The following GPRC5B variants were observed in gnomAD, a reference collection of about 807,000 sequenced individuals.
GPRC5B encodes the protein G protein-coupled receptor class C group 5 member B.
GPRC5B carries 16 observed loss-of-function variants against 30.1 expected under a neutral mutation model. That is an observed-to-expected ratio of 0.53 (90% confidence interval 0.36 to 0.81). The LOEUF (loss-of-function observed/expected upper bound fraction) is 0.81, where lower values mean the gene tolerates loss of function less well. GPRC5B is among the 30% of genes least tolerant of loss of function. The pLI, the probability that GPRC5B is intolerant of heterozygous loss-of-function variation, is 0.01. For missense variants in GPRC5B, 428 were observed against 544.7 expected, an observed-to-expected ratio of 0.79 and a Z score of 2.13; for synonymous variants, 241 against 239.5, an observed-to-expected ratio of 1.01 and a Z score of -0.06.
At position 19,860,227 on chromosome 16, in the gene GPRC5B, T is replaced by C. The variant is rs1449524574; in HGVS notation, c.*273A>G. The C allele has an allele frequency of 2.4e-6, 1 of 420,398 alleles. No homozygotes were observed. 26.0% of individuals were successfully genotyped at this position (420,398 alleles called of 1,614,324 possible). A position where few individuals can be genotyped will look rare whatever the true frequency, so the allele number is the denominator to read the frequency against. On this transcript the variant is annotated 3_prime_UTR_variant, in exon 4 of 4. Coordinates refer to ENST00000300571, the MANE Select transcript of GPRC5B (RefSeq NM_016235.3). ...ACATTTTCCAGTGAGCCTAATACTA[T>C]TTGCAATTAGCTTTGCTTTAGTTTG... is the stretch of plus-strand genomic sequence containing the variant.
At position 19,872,841 on chromosome 16, in the gene GPRC5B, A is replaced by G; in HGVS notation, c.5T>C (p.Phe2Ser). The G allele has an allele frequency of 6.2e-7, 1 of 1,609,650 alleles. No individual in the cohort carries two copies. The highest frequency in any genetic ancestry group is 8.5e-7 in the Non-Finnish European group (1 of 1,176,824). The change falls in exon 2 of 4, where the codon TTC becomes TCC. Residue 2 changes from phenylalanine to serine, a missense_variant. By Grantham distance (155) the Phe-to-Ser change is radical. Coordinates refer to ENST00000300571, the MANE Select transcript of GPRC5B (RefSeq NM_016235.3). This position sits in a 1 kb window ranked among gnomAD's most constrained non-coding sequence, Gnocchi z 5.0. The part of the protein sequence containing the change: M[F>S]VASERKMRAH... The stretch of plus-strand genomic sequence containing the variant: ...TCTCATCTTTCTCTCTGATGCCACG[A>G]ACATTCTAGAAAAGCCAAGAGGGGA...
At position 19,860,371 on chromosome 16, in the gene GPRC5B, G is replaced by T. The variant is rs2056611142; in HGVS notation, c.*129C>A. ...CATTTACACGAAATCCCCTTGGCTA[G>T]GATTTCCAAATTTCCTGGCTGTGAG... On this transcript the variant is annotated 3_prime_UTR_variant, in exon 4 of 4. Coordinates refer to ENST00000300571, the MANE Select transcript of GPRC5B (RefSeq NM_016235.3). 1 of 644,426 alleles carries T rather than the reference G, an allele frequency of 1.6e-6. No individual in the cohort carries two copies. The highest frequency in any genetic ancestry group is 2.8e-5 in the East Asian group (1 of 36,268). The allele number at this position is 644,426 out of a possible 1,614,324, so 39.9% of individuals were successfully genotyped here. A position where few individuals can be genotyped will look rare whatever the true frequency, so the allele number is the denominator to read the frequency against.
chr16:19,883,822 G>C (rs1172166361), intron 1 of GPRC5B, among the ~76,000 whole-genome samples: 1 of 152,260 alleles, frequency 6.6e-6, no homozygotes, highest in Non-Finnish European at 1.5e-5. Context: ...CGCTGCACGG[G>C]GGAGATTTCT....
At chr16:19,873,350 G>A (rs1048416457) in intron 1 of GPRC5B, among the ~76,000 whole-genome samples, 1 of 151,764 alleles carries the variant, frequency 6.6e-6, no homozygotes, top group African/African-American at 2.4e-5. Context: ...TGTAATCCCA[G>A]CTACTTGGGA....
At chr16:19,869,278 GAGAT>G (rs1028948157) in intron 2 of GPRC5B, among the ~76,000 whole-genome samples, 12 of 147,968 alleles carry the variant, frequency 8.1e-5, no homozygotes, top group Admixed American at 6.1e-4. Context: ...GCAGTGAGCT[GAGAT>G]AGAGCCACTG....
chr16:19,871,309 GA>G (rs2056717212), intron 2 of GPRC5B, among the ~76,000 whole-genome samples: 1 of 123,004 alleles, frequency 8.1e-6, no homozygotes, highest in Admixed American at 8.0e-5. Context: ...AAGAAAGAAA[GA>G]AAAAAACAAA....
At chr16:19,874,897 A>C (rs2056749532) in intron 1 of GPRC5B, 2 of 142,108 alleles carry the variant, frequency 1.4e-5, no homozygotes, top group Non-Finnish European at 3.0e-5. Flanking sequence ...CTTGCTTTTG[A>C]AGGGAGCCTG....
intron 2 of GPRC5B, among the ~76,000 whole-genome samples, chr16:19,870,229 G>A (rs935886333): frequency 6.6e-6 from 1 of 152,204 alleles, no homozygotes; most frequent in Non-Finnish European, 1.5e-5. Context: ...GCCCGTGGTA[G>A]TAACTAGCTC....
chr16:19,884,957 C>T, upstream of GPRC5B: 1 of 834,518 alleles, frequency 1.2e-6, no homozygotes, highest in Middle Eastern at 6.0e-4. Flanking sequence ...GCCCCCGGGC[C>T]TCCGAGCCCC....
In GPRC5B at chr16:19,878,877, C is replaced by T. The variant is rs141594195; in HGVS notation, c.-2+5850G>A. On this transcript the variant is annotated intron_variant, in intron 1 of 3. Transcript: ENST00000300571. ...GTTCTCGGGCTGGCAAAAGCAGCAA[C>T]ATCGCCCTGGAGCTCTTTAGAAATG... Among the ~76,000 whole-genome samples, 776 of 152,332 alleles carry T rather than the reference C, an allele frequency of 5.1e-3. 5 individuals are homozygous for T. The highest frequency in any genetic ancestry group is 0.018 in the African/African-American group (736 of 41,560).
chr16:19,885,174 G>A (rs770108162), upstream of GPRC5B: 6 of 1,278,816 alleles, frequency 4.7e-6, no homozygotes, highest in South Asian at 2.5e-5. The surrounding 1 kb of genome is among the most constrained non-coding windows in gnomAD (Gnocchi z 5.3). Context: ...ATCCATTTGC[G>A]GGAACACTCC....
rs565026562 is a variant in GPRC5B at position 19,865,969 on chromosome 16, G to A, written c.1031-3996C>T. Among the ~76,000 whole-genome samples, 691 of 152,078 alleles carry A rather than the reference G, an allele frequency of 4.5e-3. 3 individuals carry two copies. Among genetic ancestry groups the A allele is most frequent in the Middle Eastern group, 0.017 (5 of 294 alleles). On this transcript the variant is annotated intron_variant, in intron 2 of 3. Coordinates refer to ENST00000300571, the MANE Select transcript of GPRC5B (RefSeq NM_016235.3). ...TTTTGAGACGGAGTCCCACTCTGTC[G>A]CCCAGGCTGGAGTGCGGTGGCGTGA... is the stretch of plus-strand genomic sequence containing the variant.
chr16:19,868,145 C>T (rs1017745998), intron 2 of GPRC5B, among the ~76,000 whole-genome samples: 5 of 151,136 alleles, frequency 3.3e-5, no homozygotes, highest in Non-Finnish European at 5.9e-5. Flanking sequence ...GAGGCCGAGG[C>T]GGGTGGATCA....
intron 2 of GPRC5B, chr16:19,862,397 G>A (rs1397249288): frequency 5.8e-6 from 1 of 170,950 alleles, no homozygotes; most frequent in Non-Finnish European, 1.3e-5. Flanking sequence ...ACTGGAAAGT[G>A]ACCAGGGATG....
chr16:19,867,188 G>A (rs1483809530), intron 2 of GPRC5B, among the ~76,000 whole-genome samples: 1 of 152,238 alleles, frequency 6.6e-6, no homozygotes, highest in Admixed American at 6.5e-5. Flanking sequence ...GAGATGAGGG[G>A]CGCTTAAGCG....
intron 1 of GPRC5B, among the ~76,000 whole-genome samples, chr16:19,873,464 CAAA>C (rs1224351499): frequency 3.6e-5 from 2 of 55,764 alleles, no homozygotes; most frequent in Non-Finnish European, 3.8e-5. Flanking sequence ...ACTCCGTCTC[CAAA>C]AAAAAAAAAA....
At chr16:19,873,914 G>C (rs1343898114) in intron 1 of GPRC5B, among the ~76,000 whole-genome samples, 2 of 152,084 alleles carry the variant, frequency 1.3e-5, no homozygotes, top group African/African-American at 4.8e-5. Context: ...TGAGTAGCTG[G>C]GATTACAGGC....
rs184423617 is a variant in GPRC5B at position 19,873,235 on chromosome 16, C to T, written c.-1-389G>A. On this transcript the variant is annotated intron_variant, in intron 1 of 3. Coordinates refer to ENST00000300571, the MANE Select transcript of GPRC5B (RefSeq NM_016235.3). ...ATCCCAGCAGTTTGGGAGGCAGAGG[C>T]GGGCGGATCACGAGGTCAGGAGTTC... 2.6e-3 allele frequency among the ~76,000 whole-genome samples: 396 copies of T among 152,144 alleles called. 2 individuals are homozygous for T. The highest frequency in any genetic ancestry group is 9.1e-3 in the African/African-American group (379 of 41,518).
intron 1 of GPRC5B, among the ~76,000 whole-genome samples, chr16:19,882,893 A>G (rs971721881): frequency 2.6e-5 from 4 of 152,052 alleles, no homozygotes; most frequent in Non-Finnish European, 4.4e-5. Flanking sequence ...AAGCTTTTGC[A>G]GGCACAGTGC....
Sources: gnomAD v4.1 joint callset for allele counts (sites outside exome capture counted in the v4.1 genomes callset) on GRCh38, gnomAD v4.1.1 for gene constraint, Gnocchi (gnomAD v3.1) non-coding constraint, MANE v1.5 for transcripts, NCBI Gene and HGNC (gene_info 2026-07-23, HGNC 2026-07-21) for gene names.